Variants in ADAM10 observed in about 807,000 individuals in gnomAD.
ADAM10 encodes the protein ADAM metallopeptidase domain 10, also known as disintegrin and metalloproteinase domain-containing protein 10.
In ADAM10, 17 loss-of-function variants were observed where a neutral mutation model predicts 90.1. The observed-to-expected ratio is 0.19, with a 90% CI of 0.13 to 0.28. ADAM10 has a LOEUF of 0.28. Among genes scored for constraint, ADAM10 ranks in the 10% least tolerant of loss-of-function variants. The pLI is 1.00. For synonymous variants in ADAM10, 310 were observed against 298.6 expected, an observed-to-expected ratio of 1.04 and a Z score of -0.40; for missense variants, 610 against 914.3, an observed-to-expected ratio of 0.67 and a Z score of 4.29.
chr15:58,677,524 A>T (rs533592989), intron 4 of ADAM10, among the ~76,000 whole-genome samples: 1 of 152,154 alleles, frequency 6.6e-6, no homozygotes, highest in African/African-American at 2.4e-5. Context: ...AGAAAGAAAG[A>T]AAAGTGGGAA....
At chr15:58,662,818 T>C (rs1477056084) in intron 5 of ADAM10, among the ~76,000 whole-genome samples, 1 of 152,118 alleles carries the variant, frequency 6.6e-6, no homozygotes, top group Non-Finnish European at 1.5e-5. Flanking sequence ...TCAACACAGC[T>C]CTCTCCTCTC....
intron 2 of ADAM10, among the ~76,000 whole-genome samples, chr15:58,695,998 C>A (rs1897968194): frequency 6.6e-6 from 1 of 152,120 alleles, no homozygotes; most frequent in East Asian, 1.9e-4. Flanking sequence ...TGCCTGTAAT[C>A]CCAGCTACTT....
At chr15:58,712,396 T>A (rs1032008686) in intron 2 of ADAM10, among the ~76,000 whole-genome samples, 1 of 151,440 alleles carries the variant, frequency 6.6e-6, no homozygotes, top group East Asian at 2.0e-4. Flanking sequence ...TGGTGGTGTG[T>A]GCCTGTAGTC....
At chr15:58,621,362 A>T (rs1468833963) in intron 11 of ADAM10, 109 bp downstream of exon 11, 1 of 1,383,388 alleles carries the variant, frequency 7.2e-7, no homozygotes, top group East Asian at 2.3e-5. Flanking sequence ...AACAGATAAA[A>T]GCAAAGTTTC....
intron 11 of ADAM10, among the ~76,000 whole-genome samples, chr15:58,616,384 T>C (rs1379868443): frequency 6.6e-6 from 1 of 152,206 alleles, no homozygotes; most frequent in Admixed American, 6.5e-5. Context: ...TATTAGGCTA[T>C]AAAACAATTA....
chr15:58,734,525 C>T lies in ADAM10; in HGVS notation c.55+14955G>A, dbSNP rs1230939742. Among the ~76,000 whole-genome samples the T allele has an allele frequency of 5.3e-5, 8 of 152,092 alleles. No homozygotes were observed. The East Asian group carries it at 1.2e-3, about 22-fold the overall frequency. On this transcript the variant is annotated intron_variant, in intron 1 of 15. Coordinates refer to ENST00000260408, the MANE Select transcript of ADAM10 (RefSeq NM_001110.4). ...AGACAGCCTGGGCAAGATGGCAAAA[C>T]GCCATCTCTACAACAAATACAAAAA...
rs894854740 is a variant in ADAM10 at position 58,592,926 on chromosome 15, C to T, written c.*4621G>A. 1.3e-5 allele frequency: 2 copies of T among 149,272 alleles called. No individual in the cohort carries two copies. Among genetic ancestry groups the T allele is most frequent in the African/African-American group, 2.5e-5 (1 of 40,802 alleles). 9.2% of individuals were successfully genotyped at this position (149,272 alleles called of 1,614,324 possible). On this transcript the variant is annotated 3_prime_UTR_variant, in exon 16 of 16. Coordinates refer to ENST00000260408, the MANE Select transcript of ADAM10 (RefSeq NM_001110.4). ...ATTTTCCTAAGAATTGTTTAAAATT[C>T]TTTAGAATTGTTTAAAATAATAAAC...
intron 14 of ADAM10, among the ~76,000 whole-genome samples, chr15:58,600,020 C>A (rs1269616307): frequency 1.3e-5 from 2 of 152,106 alleles, no homozygotes; most frequent in African/African-American, 4.8e-5. Flanking sequence ...CACATGAACA[C>A]AAATACAAAA....
At position 58,633,972 on chromosome 15, in the gene ADAM10, T is replaced by C. The variant is rs543232300; in HGVS notation, c.1013-613A>G. Reference sequence around the variant, plus strand: ...AGATGGGTGGGAAGGAAGGGAGAGATAGAAAGCAAATGCGACAAAAGGTTA... The same window carrying C: ...AGATGGGTGGGAAGGAAGGGAGAGACAGAAAGCAAATGCGACAAAAGGTTA... On this transcript the variant is annotated intron_variant, in intron 8 of 15. Transcript: ENST00000260408. Among the ~76,000 whole-genome samples, 5 of 148,952 alleles carry C rather than the reference T, an allele frequency of 3.4e-5. No homozygotes were observed. In the East Asian group the frequency reaches 9.9e-4, roughly 29 times the overall value.
chr15:58,617,950 T>A (rs7174414), intron 11 of ADAM10, among the ~76,000 whole-genome samples: 1 of 149,538 alleles, frequency 6.7e-6, no homozygotes, highest in Admixed American at 6.7e-5. Context: ...ATTAATACTG[T>A]GAAAACGGCC....
intron 5 of ADAM10, among the ~76,000 whole-genome samples, chr15:58,664,239 A>G (rs1474384918): frequency 6.6e-6 from 1 of 152,034 alleles, no homozygotes; most frequent in African/African-American, 2.4e-5. Context: ...TGTGTGTAGA[A>G]TATCATCCTA....
chr15:58,618,315 C>A (rs1186753568), intron 11 of ADAM10, among the ~76,000 whole-genome samples: 1 of 152,052 alleles, frequency 6.6e-6, no homozygotes, highest in African/African-American at 2.4e-5. Flanking sequence ...AACTGGATAC[C>A]TATATGCAGA....
At chr15:58,614,570 A>G (rs889537145) in intron 11 of ADAM10, among the ~76,000 whole-genome samples, 8 of 152,214 alleles carry the variant, frequency 5.3e-5, no homozygotes, top group African/African-American at 1.4e-4. Flanking sequence ...CCAAGAATCT[A>G]TAAGACTTTA....
intron 1 of ADAM10, chr15:58,747,293 C>T (rs1246892271): frequency 6.6e-6 from 1 of 152,172 alleles, no homozygotes; most frequent in Non-Finnish European, 1.5e-5. Flanking sequence ...AGCTTCCCAT[C>T]CTAGTAATAT....
chr15:58,737,271 C>G (rs1172521683), intron 1 of ADAM10, among the ~76,000 whole-genome samples: 1 of 152,096 alleles, frequency 6.6e-6, no homozygotes, highest in East Asian at 1.9e-4. Context: ...ATATATTTAT[C>G]TATGACAAAA....
chr15:58,665,792 C>G (rs1363171303), intron 4 of ADAM10, among the ~76,000 whole-genome samples: 1 of 152,044 alleles, frequency 6.6e-6, no homozygotes, highest in East Asian at 1.9e-4. Context: ...TCACCCAAGT[C>G]ATTACTGCCC....
intron 1 of ADAM10, among the ~76,000 whole-genome samples, chr15:58,729,902 C>T (rs767719110): frequency 3.3e-5 from 5 of 150,700 alleles, no homozygotes; most frequent in Admixed American, 6.7e-5. Flanking sequence ...GCGGAGGCTG[C>T]GGCGAGCCAA....
At chr15:58,680,331 T>A (rs541246906) in intron 3 of ADAM10, among the ~76,000 whole-genome samples, 3 of 152,092 alleles carry the variant, frequency 2.0e-5, no homozygotes, top group East Asian at 1.9e-4. Context: ...CTATGTTTCC[T>A]AGGCTGGTCT....
At chr15:58,742,034 A>T (rs1899631964) in intron 1 of ADAM10, among the ~76,000 whole-genome samples, 1 of 152,196 alleles carries the variant, frequency 6.6e-6, no homozygotes, top group African/African-American at 2.4e-5. Context: ...TCCTCATTTC[A>T]GGTGCAACTA....
Sources: gnomAD v4.1 joint callset for allele counts (sites outside exome capture counted in the v4.1 genomes callset) on GRCh38, gnomAD v4.1.1 for gene constraint, MANE v1.5 for transcripts, NCBI Gene and HGNC (gene_info 2026-07-23, HGNC 2026-07-21) for gene names.